NXPE2: variants seen among roughly 807,000 people sequenced by gnomAD.
NXPE2 encodes neurexophilin and PC-esterase domain family member 2.
NXPE2 carries 34 observed loss-of-function variants against 34.4 expected under a neutral mutation model. That is an observed-to-expected ratio of 0.99 (90% confidence interval 0.75 to 1.31). The LOEUF (loss-of-function observed/expected upper bound fraction) is 1.31. Ranked by LOEUF, NXPE2 falls within the 40% of genes most tolerant of loss-of-function variation. NXPE2 has a pLI of 0.00. For missense variants in NXPE2, 649 were observed against 672.5 expected (o/e 0.97, Z 0.39); for synonymous variants, 235 against 231.3 (o/e 1.02, Z -0.15).
chr11:114,541,688 G>C, the NXPE2 span, among the ~76,000 whole-genome samples: 1 of 152,106 alleles, frequency 6.6e-6, no homozygotes, highest in Non-Finnish European at 1.5e-5. Flanking sequence ...GTGCTTCCAG[G>C]CTATAGGTAA....
At chr11:114,753,635 A>G in the NXPE2 span, among the ~76,000 whole-genome samples, 1 of 152,242 alleles carries the variant, frequency 6.6e-6, no homozygotes. Flanking sequence ...GGCTCTCACT[A>G]GATAAATGAT....
the NXPE2 span, among the ~76,000 whole-genome samples, chr11:114,510,836 CAATTATT>C: frequency 3.3e-5 from 5 of 152,174 alleles, no homozygotes; most frequent in African/African-American, 1.2e-4. Flanking sequence ...CAAATAAAGA[CAATTATT>C]AATTTTAGTA....
At chr11:114,700,225 G>A (rs540671022) in intron 3 of NXPE2, among the ~76,000 whole-genome samples, 3 of 151,920 alleles carry the variant, frequency 2.0e-5, no homozygotes, top group Non-Finnish European at 4.4e-5. Flanking sequence ...TATTTCCTCC[G>A]TAAAAGCTTT....
chr11:114,795,621 C>T, the NXPE2 span, among the ~76,000 whole-genome samples: 4 of 152,216 alleles, frequency 2.6e-5, no homozygotes, highest in Non-Finnish European at 4.4e-5. Flanking sequence ...CCTGCCAGGA[C>T]ATGAGTTCAT....
the NXPE2 span, among the ~76,000 whole-genome samples, chr11:114,545,193 T>C: frequency 6.6e-6 from 1 of 152,212 alleles, no homozygotes; most frequent in Non-Finnish European, 1.5e-5. Flanking sequence ...TACCATTCAA[T>C]ATAGCAGTTT....
chr11:114,556,166 A>G, the NXPE2 span, among the ~76,000 whole-genome samples: 3 of 152,234 alleles, frequency 2.0e-5, no homozygotes, highest in African/African-American at 7.2e-5. Context: ...TTTCCAATTC[A>G]TGAAAACAGT....
At chr11:114,603,967 A>G in the NXPE2 span, among the ~76,000 whole-genome samples, 2 of 150,622 alleles carry the variant, frequency 1.3e-5, no homozygotes, top group Non-Finnish European at 3.0e-5. Flanking sequence ...GGTAACTACT[A>G]TTACCTGGTG....
the NXPE2 span, among the ~76,000 whole-genome samples, chr11:114,484,612 C>T: frequency 6.6e-6 from 1 of 152,134 alleles, no homozygotes. Flanking sequence ...CCGTTATTCT[C>T]CTTAAAAAAC....
At chr11:114,760,751 C>T in the NXPE2 span, among the ~76,000 whole-genome samples, 1 of 152,146 alleles carries the variant, frequency 6.6e-6, no homozygotes, top group African/African-American at 2.4e-5. Flanking sequence ...GTTTAATAAT[C>T]AAGACCATTT....
chr11:114,586,629 G>C, the NXPE2 span, among the ~76,000 whole-genome samples: 1 of 152,114 alleles, frequency 6.6e-6, no homozygotes, highest in South Asian at 2.1e-4. Flanking sequence ...GCTGTCATGT[G>C]GGGCTGGAAG....
At chr11:114,640,256 T>C in the NXPE2 span, among the ~76,000 whole-genome samples, 6 of 142,780 alleles carry the variant, frequency 4.2e-5, no homozygotes, top group Admixed American at 2.2e-4. Flanking sequence ...AAATATAAAA[T>C]ATATAGTATA....
the NXPE2 span, among the ~76,000 whole-genome samples, chr11:114,729,197 C>T: frequency 6.6e-6 from 1 of 152,124 alleles, no homozygotes; most frequent in African/African-American, 2.4e-5. Flanking sequence ...CGTTCAGTTG[C>T]TTAGCGTAAT....
chr11:114,563,320 A>G, the NXPE2 span, among the ~76,000 whole-genome samples: 1 of 152,188 alleles, frequency 6.6e-6, no homozygotes, highest in Non-Finnish European at 1.5e-5. Flanking sequence ...CTGAAATTTT[A>G]CTTTCTCCTC....
the NXPE2 span, chr11:114,554,486 A>T: frequency 1.7e-6 from 1 of 592,724 alleles, no homozygotes; most frequent in Non-Finnish European, 2.1e-6. Flanking sequence ...TACATAAAAT[A>T]AAATGTATAG....
chr11:114,768,376 A>G, the NXPE2 span, among the ~76,000 whole-genome samples: 1 of 151,978 alleles, frequency 6.6e-6, no homozygotes, highest in East Asian at 1.9e-4. Context: ...TTTGTTTAGG[A>G]TTGTCTTGGC....
At chr11:114,735,627 T>C in the NXPE2 span, among the ~76,000 whole-genome samples, 1 of 152,228 alleles carries the variant, frequency 6.6e-6, no homozygotes, top group Admixed American at 6.5e-5. Flanking sequence ...ATTATAATCA[T>C]TGTCATCATT....
At chr11:114,812,011 A>G in the NXPE2 span, among the ~76,000 whole-genome samples, 3 of 152,224 alleles carry the variant, frequency 2.0e-5, no homozygotes, top group Admixed American at 6.5e-5. Flanking sequence ...AGCCATTATT[A>G]TCACAAAAAT....
the NXPE2 span, among the ~76,000 whole-genome samples, chr11:114,639,783 A>G: frequency 3.9e-5 from 5 of 127,244 alleles, 1 homozygote; most frequent in Admixed American, 2.8e-4. Flanking sequence ...AATATAAAAT[A>G]TAATATATAT....
chr11:114,530,096 A>G, the NXPE2 span: 6 of 1,404,718 alleles, frequency 4.3e-6, no homozygotes, highest in African/African-American at 5.8e-5. Context: ...GTCATGCTCA[A>G]TGTTGCAATG....
Sources: gnomAD v4.1 joint callset for allele counts (sites outside exome capture counted in the v4.1 genomes callset) on GRCh38, gnomAD v4.1.1 for gene constraint, MANE v1.5 for transcripts, NCBI Gene and HGNC (gene_info 2026-07-23, HGNC 2026-07-21) for gene names.